KNTC1: variants seen among roughly 807,000 people sequenced by gnomAD.
The protein encoded by KNTC1 is kinetochore-associated protein 1.
KNTC1 carries 253 observed loss-of-function variants against 314.4 expected under a neutral mutation model. The observed-to-expected ratio is 0.80, with a 90% CI of 0.73 to 0.89. The LOEUF is 0.89. Ranked by LOEUF, KNTC1 falls within the 40% of genes least tolerant of loss-of-function variation. KNTC1 has a pLI of 0.00. For synonymous variants in KNTC1, 901 were observed against 901.4 expected, an observed-to-expected ratio of 1.00 and a Z score of 0.01; for missense variants, 2,475 against 2,572.9, an observed-to-expected ratio of 0.96 and a Z score of 0.82.
In KNTC1 at chr12:122,602,619, C is replaced by T. The variant is rs748522231; in HGVS notation, c.4704C>T (p.Pro1568=). 21 of 1,611,116 alleles carry T rather than the reference C, an allele frequency of 1.3e-5. No homozygotes were observed. Among genetic ancestry groups the T allele is most frequent in the Admixed American group, 1.0e-4 (6 of 59,942 alleles). Residue 1568 remains proline, a synonymous_variant, in exon 46 of 64, where the codon CCC becomes CCT. Transcript: ENST00000333479. ...AGTCATACAGAAGAATTTCTCCTCC[C>T]GTGGATCTAGAATATCAGTATATGT... The part of the protein sequence containing the change: ...HLKSYRRISP[P]VDLEYQYMLE...
chr12:122,616,248 A>G (rs537563732), intron 57 of KNTC1, among the ~76,000 whole-genome samples: 87 of 150,768 alleles, frequency 5.8e-4, no homozygotes, highest in Non-Finnish European at 1.1e-3. Context: ...ACAATTTCCT[A>G]TGTATTCTAG....
intron 8 of KNTC1, among the ~76,000 whole-genome samples, chr12:122,544,839 T>C (rs1861186016): frequency 6.6e-6 from 1 of 152,208 alleles, no homozygotes; most frequent in South Asian, 2.1e-4. Flanking sequence ...CCGTTGAATC[T>C]TGAAATAATT....
intron 39 of KNTC1, 27 bp downstream of exon 39, chr12:122,587,901 AC>A: frequency 2.5e-6 from 4 of 1,596,024 alleles, no homozygotes; most frequent in Non-Finnish European, 2.6e-6. Flanking sequence ...AAATACTTTG[AC>A]TTGGGGTGAA....
chr12:122,585,585 G>A (rs1196342545), intron 36 of KNTC1, 51 bp from the exon 37 acceptor site: 16 of 1,588,000 alleles, frequency 1.0e-5, no homozygotes, highest in Non-Finnish European at 1.4e-5. Flanking sequence ...AAGAAACAAT[G>A]TGTTGTGCAG....
chr12:122,536,415 A>G (rs1961838479), intron 3 of KNTC1, among the ~76,000 whole-genome samples: 2 of 150,676 alleles, frequency 1.3e-5, no homozygotes, highest in Admixed American at 6.6e-5. Flanking sequence ...TATTTTTAGA[A>G]GAAACAGGGT....
At chr12:122,571,161 A>G (rs1252863181) in intron 24 of KNTC1, 35 bp downstream of exon 24, 3 of 1,477,712 alleles carry the variant, frequency 2.0e-6, no homozygotes, top group Non-Finnish European at 2.8e-6. Context: ...GTAATGAAAC[A>G]GTCAGTTTAC....
In KNTC1 at chr12:122,590,491, T is replaced by C. The variant is rs1353922384; in HGVS notation, c.4000-116T>C. On this transcript the variant is annotated intron_variant, in intron 40 of 63. Transcript: ENST00000333479. ...CTGTTTTTTTTTCTTTAAAAAGTTT[T>C]TTTTAAGTATAAATTAAAATTATTC... The C allele has an allele frequency of 2.5e-5, 27 of 1,061,314 alleles. No individual in the cohort carries two copies. The Admixed American group carries it at 7.1e-4, about 28-fold the overall frequency. The allele number at this position is 1,061,314 out of a possible 1,614,324, so 65.7% of individuals were successfully genotyped here. A position where few individuals can be genotyped will look rare whatever the true frequency, so the allele number is the denominator to read the frequency against.
At chr12:122,543,013 A>G (rs191703499) in intron 6 of KNTC1, among the ~76,000 whole-genome samples, 233 of 152,176 alleles carry the variant, frequency 1.5e-3, no homozygotes, top group African/African-American at 4.9e-3. Flanking sequence ...CCCAGGTTCA[A>G]GTGATTCTTG....
intron 48 of KNTC1, among the ~76,000 whole-genome samples, chr12:122,604,320 T>C (rs1303381055): frequency 1.3e-5 from 2 of 151,934 alleles, no homozygotes; most frequent in African/African-American, 4.8e-5. Context: ...CTAATTTTTG[T>C]ATTTTCAGTA....
chr12:122,613,843 G>T (rs1873453915), intron 55 of KNTC1, 82 bp downstream of exon 55: 1 of 1,241,092 alleles, frequency 8.1e-7, no homozygotes. Flanking sequence ...CAGTCTTTTT[G>T]TTGTTGTTGT....
chr12:122,536,447 GTC>G (rs1961842367), intron 3 of KNTC1, among the ~76,000 whole-genome samples: 1 of 148,524 alleles, frequency 6.7e-6, no homozygotes, highest in African/African-American at 2.5e-5. Flanking sequence ...GGCCAGGCTG[GTC>G]TCAACCTCAT....
chr12:122,596,394 T>A (rs939690979), intron 43 of KNTC1, among the ~76,000 whole-genome samples: 9 of 151,938 alleles, frequency 5.9e-5, no homozygotes, highest in African/African-American at 2.2e-4. Flanking sequence ...AATTTTTGTA[T>A]TTTTGGTAGA....
At position 122,618,521 on chromosome 12, in the gene KNTC1, C is replaced by T. The variant is rs1714544884; in HGVS notation, c.6125C>T (p.Ser2042Phe). Residue 2042 changes from serine (S) to phenylalanine (F), a missense_variant, in exon 59 of 64, where the codon TCT (serine) becomes TTT (phenylalanine). Physicochemically the swap from Ser to Phe is radical, Grantham distance 155. Coordinates refer to ENST00000333479, the MANE Select transcript of KNTC1 (RefSeq NM_014708.6). Reference protein sequence around the residue: ...PLSPDQLSDCSESLIAVLECP... With the variant: ...PLSPDQLSDCFESLIAVLECP... ...AGTCCTGATCAGCTGTCAGATTGTT[C>T]TGAGAGTCTCATCGCTGTCCTCGAG... is the stretch of plus-strand genomic sequence containing the variant. 1 of 1,607,052 alleles carries T rather than the reference C, an allele frequency of 6.2e-7. No individual in the cohort carries two copies. Among genetic ancestry groups the T allele is most frequent in the African/African-American group, 1.4e-5 (1 of 73,126 alleles).
At position 122,601,580 on chromosome 12, in the gene KNTC1, T is replaced by C; in HGVS notation, c.4608T>C (p.Val1536=). The part of the protein sequence containing the change: ...DYEMIEVVLK[V]IERADEKITN... Reference sequence around the variant, plus strand: ...AAATGATTGAAGTTGTCTTGAAAGTTATAGAACGAGCTGATGAAAAGATAA... The same window carrying C: ...AAATGATTGAAGTTGTCTTGAAAGTCATAGAACGAGCTGATGAAAAGATAA... The change falls in exon 45 of 64, where the codon GTT becomes GTC. Residue 1536 remains valine, a synonymous_variant. Coordinates refer to ENST00000333479, the MANE Select transcript of KNTC1 (RefSeq NM_014708.6). 1 of 1,538,324 alleles carries C rather than the reference T, an allele frequency of 6.5e-7. No homozygotes were observed. The highest frequency in any genetic ancestry group is 8.8e-7 in the Non-Finnish European group (1 of 1,142,352).
chr12:122,576,971 T>C lies in KNTC1; in HGVS notation c.2663T>C (p.Met888Thr), dbSNP rs1370437997. The C allele has an allele frequency of 6.3e-7, 1 of 1,596,860 alleles. No homozygotes were observed. The highest frequency in any genetic ancestry group is 1.3e-5 in the African/African-American group (1 of 74,524). Residue 888 changes from methionine to threonine, a missense_variant, in exon 30 of 64, where the codon ATG (methionine) becomes ACG (threonine). Met to Thr is a moderately conservative substitution (Grantham distance 81). Coordinates refer to ENST00000333479, the MANE Select transcript of KNTC1 (RefSeq NM_014708.6). ...GCTTTAAAGGTAGCCCAAGCGTTTA[T>C]GTTATCTGATGATGAGATCTACAGT... is the stretch of plus-strand genomic sequence containing the variant. ...EDALKVAQAF[M>T]LSDDEIYSLR...
chr12:122,529,710 A>G (rs1210274711), intron 1 of KNTC1, among the ~76,000 whole-genome samples: 1 of 152,196 alleles, frequency 6.6e-6, no homozygotes, highest in Non-Finnish European at 1.5e-5. Flanking sequence ...GTTTATTTCT[A>G]ATGAAAACTT....
chr12:122,594,100 T>A (rs559486400), intron 42 of KNTC1, 176 bp from the exon 43 acceptor site: 1 of 583,366 alleles, frequency 1.7e-6, no homozygotes, highest in Non-Finnish European at 3.0e-6. Flanking sequence ...CGGACCCATG[T>A]ACACCTCAAA....
intron 42 of KNTC1, among the ~76,000 whole-genome samples, 163 bp downstream of exon 42, chr12:122,591,616 C>A (rs1009227862): frequency 1.3e-5 from 2 of 152,036 alleles, no homozygotes; most frequent in African/African-American, 2.4e-5. Context: ...AAATAAGGAA[C>A]TTTTTGCCTC....
chr12:122,612,067 T>G (rs74459683), intron 53 of KNTC1, among the ~76,000 whole-genome samples: 15,761 of 151,156 alleles, frequency 0.1, 915 homozygotes, highest in Middle Eastern at 0.14. Context: ...TGGTTTTTTT[T>G]TGTGTTTTTT....
Sources: gnomAD v4.1 joint callset for allele counts (sites outside exome capture counted in the v4.1 genomes callset) on GRCh38, gnomAD v4.1.1 for gene constraint, MANE v1.5 for transcripts, NCBI Gene and HGNC (gene_info 2026-07-23, HGNC 2026-07-21) for gene names.